Variants in TUSC3 observed in about 807,000 individuals in gnomAD.
TUSC3 encodes the protein dolichyl-diphosphooligosaccharide--protein glycosyltransferase subunit TUSC3.
Under a neutral mutation model 44.8 loss-of-function variants are expected in TUSC3, and 45 were observed. The observed-to-expected ratio is 1.00, with a 90% CI of 0.79 to 1.29. The LOEUF (loss-of-function observed/expected upper bound fraction) is 1.29. Among genes scored for constraint, TUSC3 ranks in the 50% most tolerant of loss-of-function variants. TUSC3 has a pLI of 0.00. For missense variants in TUSC3, 519 were observed against 437.9 expected (o/e 1.19, Z -1.65); for synonymous variants, 212 against 152.9 (o/e 1.39, Z -2.85).
intron 1 of TUSC3, among the ~76,000 whole-genome samples, chr8:15,465,945 C>T (rs1172708332): frequency 6.6e-6 from 1 of 152,126 alleles, no homozygotes; most frequent in Non-Finnish European, 1.5e-5. Flanking sequence ...AGGGAATAAA[C>T]ATTGAAATTA....
At chr8:15,716,579 A>G (rs1431144170) in intron 6 of TUSC3, among the ~76,000 whole-genome samples, 4 of 152,176 alleles carry the variant, frequency 2.6e-5, no homozygotes, top group African/African-American at 4.8e-5. Context: ...CGTGTGATAC[A>G]TTAATTACTA....
intron 1 of TUSC3, among the ~76,000 whole-genome samples, chr8:15,617,428 G>A (rs1401591670): frequency 2.0e-5 from 3 of 151,936 alleles, no homozygotes; most frequent in African/African-American, 4.8e-5. Context: ...GTGAGCCACC[G>A]CGCCTGGCCT....
chr8:15,433,363 T>C (rs1049155632), intron 1 of TUSC3, among the ~76,000 whole-genome samples: 22 of 152,212 alleles, frequency 1.4e-4, no homozygotes, highest in African/African-American at 5.3e-4. Flanking sequence ...TTAAAAATTT[T>C]TCTTCTTAAA....
intron 1 of TUSC3, among the ~76,000 whole-genome samples, chr8:15,564,032 A>T (rs538499126): frequency 3.9e-5 from 6 of 152,094 alleles, no homozygotes; most frequent in Non-Finnish European, 7.4e-5. Context: ...TGCTTTAAAG[A>T]AATGTTTCCC....
intron 1 of TUSC3, among the ~76,000 whole-genome samples, chr8:15,547,586 G>A (rs189420290): frequency 3.3e-4 from 50 of 151,774 alleles, no homozygotes; most frequent in Non-Finnish European, 5.5e-4. Context: ...GACTTAGTTA[G>A]ATTGTTGTCG....
intron 5 of TUSC3, among the ~76,000 whole-genome samples, chr8:15,670,976 C>G (rs910315347): frequency 6.6e-6 from 1 of 151,938 alleles, no homozygotes; most frequent in African/African-American, 2.4e-5. Context: ...GACAGTGTGA[C>G]ACTATCATAC....
chr8:15,840,214 C>G, the TUSC3 span, among the ~76,000 whole-genome samples: 5 of 152,014 alleles, frequency 3.3e-5, no homozygotes, highest in African/African-American at 7.3e-5. Flanking sequence ...ACATCACACA[C>G]TGGGACTTGT....
chr8:15,772,276 C>CA, the TUSC3 span, among the ~76,000 whole-genome samples: 1 of 151,800 alleles, frequency 6.6e-6, no homozygotes, highest in African/African-American at 2.4e-5. Flanking sequence ...TTTGAAATAT[C>CA]AAAAAAATTG....
In TUSC3 at chr8:15,733,840, G is replaced by C. The variant is rs187088; in HGVS notation, c.862+3111G>C. 6.0e-3 allele frequency among the ~76,000 whole-genome samples: 917 copies of C among 152,210 alleles called. 11 individuals carry two copies. The highest frequency in any genetic ancestry group is 0.021 in the African/African-American group (854 of 41,510). ...GCTGATCATTTTAGTTGAGGAGTTT[G>C]AGACCAGCCTGGGCAACAGTAGGGG... On this transcript the variant is annotated intron_variant, in intron 7 of 10. Transcript: ENST00000503731.
downstream of TUSC3, among the ~76,000 whole-genome samples, chr8:15,767,467 T>C (rs1445863077): frequency 6.6e-6 from 1 of 151,706 alleles, no homozygotes; most frequent in African/African-American, 2.4e-5. Flanking sequence ...TTCCATTTTA[T>C]TGGAAATTTG....
At chr8:15,500,367 C>T (rs1269602247) in intron 2 of TUSC3, among the ~76,000 whole-genome samples, 4 of 152,168 alleles carry the variant, frequency 2.6e-5, no homozygotes, top group Non-Finnish European at 4.4e-5. Flanking sequence ...ACCTAAATTA[C>T]CACCAAAGGT....
Position 15,530,081 on chromosome 8 carries a change from G to A in TUSC3, n.189+46598G>A, listed in dbSNP as rs1045850061. Among the ~76,000 whole-genome samples the A allele has an allele frequency of 2.0e-4, 27 of 134,906 alleles. 3 individuals carry two copies. Among genetic ancestry groups the A allele is most frequent in the African/African-American group, 7.1e-4 (22 of 30,976 alleles). The allele number at this position is 134,906 out of a possible 152,430, so 88.5% of individuals were successfully genotyped here. Reference sequence around the variant, plus strand: ...ATTACAGGCGTGAGCCACCGCGCCCGGCCGAAAAAGTTTTTTACACTCCTG... The same window carrying A: ...ATTACAGGCGTGAGCCACCGCGCCCAGCCGAAAAAGTTTTTTACACTCCTG... On this transcript the variant is annotated intron_variant and non_coding_transcript_variant, in intron 2 of 5. Transcript: ENST00000503191.
the TUSC3 span, among the ~76,000 whole-genome samples, chr8:15,789,443 A>G: frequency 6.6e-6 from 1 of 152,298 alleles, no homozygotes; most frequent in East Asian, 1.9e-4. Flanking sequence ...AGGTTCATTT[A>G]TCAGCCAGTC....
chr8:15,638,740 G>A (rs1806213644), intron 2 of TUSC3, among the ~76,000 whole-genome samples: 1 of 152,034 alleles, frequency 6.6e-6, no homozygotes, highest in Non-Finnish European at 1.5e-5. Context: ...TGGCCAGGCT[G>A]GTCTCAACCT....
intron 3 of TUSC3, among the ~76,000 whole-genome samples, chr8:15,655,681 C>A (rs925517825): frequency 6.6e-6 from 1 of 152,164 alleles, no homozygotes; most frequent in African/African-American, 2.4e-5. Context: ...CAGATGAATT[C>A]TTTCCTTTGA....
At chr8:15,531,562 T>C (rs1325777540) in intron 2 of TUSC3, among the ~76,000 whole-genome samples, 1 of 152,214 alleles carries the variant, frequency 6.6e-6, no homozygotes, top group East Asian at 1.9e-4. Context: ...TAAAGCTTTT[T>C]AATAAACGTT....
chr8:15,600,157 A>G (rs183844429), intron 1 of TUSC3, among the ~76,000 whole-genome samples: 51 of 151,902 alleles, frequency 3.4e-4, no homozygotes, highest in Admixed American at 9.2e-4. Flanking sequence ...TTATTTTATA[A>G]GCATTTGTTT....
At chr8:15,741,550 C>T (rs899175059) in intron 7 of TUSC3, among the ~76,000 whole-genome samples, 8 of 151,950 alleles carry the variant, frequency 5.3e-5, no homozygotes, top group Non-Finnish European at 1.0e-4. Context: ...CCGGGCATGG[C>T]GGTGCACTCC....
At chr8:15,721,237 G>T (rs1270320871) in intron 6 of TUSC3, among the ~76,000 whole-genome samples, 3 of 151,984 alleles carry the variant, frequency 2.0e-5, no homozygotes, top group Admixed American at 6.6e-5. Flanking sequence ...AGCAAATCTG[G>T]ATTAGGGCAC....
Sources: allele counts gnomAD v4.1 joint callset (sites outside exome capture counted in the v4.1 genomes callset), GRCh38; gene constraint gnomAD v4.1.1; transcripts MANE v1.5; gene names NCBI Gene and HGNC (gene_info 2026-07-23, HGNC 2026-07-21).